The following CLPB variants were observed in gnomAD, a reference collection of about 807,000 sequenced individuals.
The protein encoded by CLPB is ClpB family mitochondrial disaggregase.
In CLPB, 40 loss-of-function variants were observed where a neutral mutation model predicts 78.4. The observed-to-expected ratio is 0.51, with a 90% confidence interval of 0.40 to 0.66. CLPB has a LOEUF of 0.66. CLPB is among the 30% of genes least tolerant of loss of function. The pLI, the probability that CLPB is intolerant of heterozygous loss-of-function variation, is 0.00. For synonymous variants in CLPB, 333 were observed against 348.0 expected (o/e 0.96, Z 0.48); for missense variants, 780 against 886.9 (o/e 0.88, Z 1.53).
intron 5 of CLPB, among the ~76,000 whole-genome samples, chr11:72,348,239 G>A (rs78531216): frequency 2.3e-4 from 35 of 152,272 alleles, no homozygotes; most frequent in African/African-American, 8.2e-4. Context: ...ATGTCTTCTG[G>A]TACTACTCCA....
intron 5 of CLPB, among the ~76,000 whole-genome samples, chr11:72,330,099 T>C (rs913113934): frequency 3.3e-5 from 5 of 152,182 alleles, no homozygotes; most frequent in African/African-American, 1.2e-4. Context: ...CATGTAAACA[T>C]ACAATTTCAT....
At chr11:72,318,174 C>G (rs910345229) in intron 6 of CLPB, among the ~76,000 whole-genome samples, 1 of 152,234 alleles carries the variant, frequency 6.6e-6, no homozygotes, top group Non-Finnish European at 1.5e-5. Flanking sequence ...ACTGCTATTT[C>G]TAGCATGGGT....
intron 2 of CLPB, chr11:72,412,110 G>A (rs745723385): frequency 6.6e-6 from 1 of 152,284 alleles, no homozygotes; most frequent in African/African-American, 2.4e-5. Context: ...AGGGAGCAAA[G>A]GCTGCTCATA....
chr11:72,287,869 T>A lies in CLPB; in HGVS notation c.*5498A>T, dbSNP rs1239743223. 1 of 152,210 alleles carries A rather than the reference T, an allele frequency of 6.6e-6. No individual in the cohort carries two copies. The highest frequency in any genetic ancestry group is 2.4e-5 in the African/African-American group (1 of 41,462). 9.4% of individuals were successfully genotyped at this position (152,210 alleles called of 1,614,324 possible). ...TCTAATTTCTCATGCCTAATTTTGT[T>A]AATTTTTTTGGCTCCTTTCCCCTTT... On this transcript the variant is annotated 3_prime_UTR_variant, in exon 16 of 16. Coordinates refer to ENST00000538039, the MANE Select transcript of CLPB (RefSeq NM_001258392.3).
At chr11:72,353,373 G>T (rs1230968709) in intron 5 of CLPB, among the ~76,000 whole-genome samples, 1 of 152,202 alleles carries the variant, frequency 6.6e-6, no homozygotes, top group Non-Finnish European at 1.5e-5. Context: ...TGACTGAAAA[G>T]GAAGTGGCAT....
chr11:72,390,435 C>CAA (rs534485326), intron 3 of CLPB, among the ~76,000 whole-genome samples: 5 of 50,472 alleles, frequency 9.9e-5, no homozygotes, highest in Non-Finnish European at 1.9e-4. Flanking sequence ...GAGACTGTCT[C>CAA]AAAAAAAAAA....
chr11:72,290,417 TAATA>T lies in CLPB; in HGVS notation c.*2946_*2949del, dbSNP rs1314822728. 1 of 152,162 alleles carries T rather than the reference TAATA, an allele frequency of 6.6e-6. No homozygotes were observed. The highest frequency in any genetic ancestry group is 2.4e-5 in the African/African-American group (1 of 41,432). The allele number at this position is 152,162 out of a possible 1,614,324, so 9.4% of individuals were successfully genotyped here. On this transcript the variant is annotated 3_prime_UTR_variant, in exon 16 of 16. Coordinates refer to ENST00000538039, the MANE Select transcript of CLPB (RefSeq NM_001258392.3). ...CTCTTCCTTATAGTAGAATACCAAT[TAATA>T]AATACAGGTAAAATAATGAAACAAA...
At chr11:72,344,143 C>T (rs1253761683) in intron 5 of CLPB, among the ~76,000 whole-genome samples, 1 of 152,138 alleles carries the variant, frequency 6.6e-6, no homozygotes, top group Non-Finnish European at 1.5e-5. Context: ...CTTTTTCCTC[C>T]TCTCCATGGG....
At chr11:72,320,073 G>A (rs1252319996) in intron 6 of CLPB, among the ~76,000 whole-genome samples, 4 of 152,156 alleles carry the variant, frequency 2.6e-5, no homozygotes, top group South Asian at 2.1e-4. Flanking sequence ...ACACTCACCC[G>A]GCTCTAGAGG....
At chr11:72,411,280 T>C (rs1855869555) in intron 2 of CLPB, among the ~76,000 whole-genome samples, 1 of 152,248 alleles carries the variant, frequency 6.6e-6, no homozygotes, top group Non-Finnish European at 1.5e-5. Flanking sequence ...GCTTGTCTTT[T>C]TCGAAGAACT....
chr11:72,402,046 G>A (rs1437592069), intron 3 of CLPB, among the ~76,000 whole-genome samples: 2 of 152,026 alleles, frequency 1.3e-5, no homozygotes, highest in Non-Finnish European at 2.9e-5. Flanking sequence ...GCACTTGGAG[G>A]CCAGGAGTTC....
At position 72,286,609 on chromosome 11, in the gene CLPB, GGAATTACCGGC is replaced by G. The variant is rs1217157516; in HGVS notation, c.*6747_*6757del. ...CTGTGCCTCAGCCTCCCAAATAGCT[GGAATTACCGGC>G]ATGTGCCACTATGTCCGGCTAATTT... On this transcript the variant is annotated 3_prime_UTR_variant, in exon 16 of 16. Coordinates refer to ENST00000538039, the MANE Select transcript of CLPB (RefSeq NM_001258392.3). 1 of 152,084 alleles carries G rather than the reference GGAATTACCGGC, an allele frequency of 6.6e-6. No individual in the cohort carries two copies. Among genetic ancestry groups the G allele is most frequent in the Admixed American group, 6.5e-5 (1 of 15,272 alleles). 9.4% of individuals were successfully genotyped at this position (152,084 alleles called of 1,614,324 possible).
chr11:72,358,935 C>G lies in CLPB; in HGVS notation c.720G>C (p.Leu240Phe), dbSNP rs762289381. 1 of 1,612,966 alleles carries G rather than the reference C, an allele frequency of 6.2e-7. No homozygotes were observed. Reference protein sequence around the residue: ...NRASFKGCTALHYAVLADDYR... With the variant: ...NRASFKGCTAFHYAVLADDYR... ...AGTCATCAGCAAGAACAGCATAGTG[C>G]AAGGCCGTGCAGCCCTTGAAACTGG... is the stretch of plus-strand genomic sequence containing the variant. Residue 240 changes from leucine (L) to phenylalanine (F), a missense_variant, in exon 5 of 16, where the codon TTG becomes TTC. Around this residue, in one of 3 missense-constraint regions of CLPB, gnomAD observed 417 missense variants for 414.7 expected, o/e 1.01. Coordinates refer to ENST00000538039, the MANE Select transcript of CLPB (RefSeq NM_001258392.3).
chr11:72,293,194 C>T lies in CLPB; in HGVS notation c.*173G>A. On this transcript the variant is annotated 3_prime_UTR_variant, in exon 16 of 16. Transcript: ENST00000538039. Reference sequence around the variant, plus strand: ...AAAGGGGCCAGAGTAGGGCGAAATTCCTCCTTCAGGTTTTGGGGCTGAGAA... The same window carrying T: ...AAAGGGGCCAGAGTAGGGCGAAATTTCTCCTTCAGGTTTTGGGGCTGAGAA... The T allele has an allele frequency of 1.3e-6, 1 of 775,748 alleles. No individual in the cohort carries two copies. The highest frequency in any genetic ancestry group is 2.0e-6 in the Non-Finnish European group (1 of 493,882). 48.1% of individuals were successfully genotyped at this position (775,748 alleles called of 1,614,324 possible).
At chr11:72,431,895 A>T (rs1047529959) in intron 1 of CLPB, among the ~76,000 whole-genome samples, 17 of 152,164 alleles carry the variant, frequency 1.1e-4, no homozygotes, top group African/African-American at 4.1e-4. Context: ...ACCATTATCT[A>T]TTTTGGTAAA....
At chr11:72,393,554 C>A (rs1272239587) in intron 3 of CLPB, among the ~76,000 whole-genome samples, 1 of 152,164 alleles carries the variant, frequency 6.6e-6, no homozygotes, top group Non-Finnish European at 1.5e-5. Context: ...CAGCTTCACT[C>A]CAGAGCCCCT....
At chr11:72,294,736 G>C (rs1440781324) in intron 12 of CLPB, 43 bp from the exon 13 acceptor site, 1 of 1,531,994 alleles carries the variant, frequency 6.5e-7, no homozygotes, top group East Asian at 2.3e-5. Flanking sequence ...CACATTCAGG[G>C]AACTTTGGGG....
intron 3 of CLPB, among the ~76,000 whole-genome samples, chr11:72,400,859 G>T (rs80338635): frequency 1.3e-5 from 2 of 151,946 alleles, no homozygotes; most frequent in African/African-American, 4.8e-5. Context: ...TTGCTTCGAG[G>T]GTATCCCATA....
chr11:72,426,024 C>T (rs2135153992), intron 2 of CLPB, among the ~76,000 whole-genome samples: 1 of 152,084 alleles, frequency 6.6e-6, no homozygotes, highest in East Asian at 1.9e-4. Context: ...GTTCCCTGTG[C>T]CAAGCAGAGG....
Sources: gnomAD v4.1 joint callset for allele counts (sites outside exome capture counted in the v4.1 genomes callset) on GRCh38, gnomAD v4.1.1 for gene constraint, gnomAD v4.1.1 regional missense constraint, MANE v1.5 for transcripts, NCBI Gene and HGNC (gene_info 2026-07-23, HGNC 2026-07-21) for gene names.